Variants in TMEM108 observed in about 807,000 individuals in gnomAD.
TMEM108 encodes the protein cancer/testis antigen 124.
A neutral mutation model predicts 35.1 loss-of-function variants in TMEM108; 12 were observed. The observed-to-expected ratio is 0.34, with a 90% CI of 0.22 to 0.55. The LOEUF is 0.55. TMEM108 is among the 20% of genes least tolerant of loss of function. The pLI is 0.89. For missense variants in TMEM108, 680 were observed against 753.3 expected, an observed-to-expected ratio of 0.90 and a Z score of 1.14; for synonymous variants, 287 against 308.6, an observed-to-expected ratio of 0.93 and a Z score of 0.73.
At chr3:133,305,117 G>A (rs1211970115) in intron 3 of TMEM108, among the ~76,000 whole-genome samples, 1 of 151,792 alleles carries the variant, frequency 6.6e-6, no homozygotes, top group Non-Finnish European at 1.5e-5. Flanking sequence ...AAAGAAAGAT[G>A]CCTATGAGCC....
chr3:133,120,760 A>G (rs1944343092), intron 2 of TMEM108: 1 of 152,214 alleles, frequency 6.6e-6, no homozygotes, highest in South Asian at 2.1e-4. Flanking sequence ...AAGAGCTAAC[A>G]TATGCTCTTA....
intron 2 of TMEM108, among the ~76,000 whole-genome samples, chr3:133,070,769 G>GTGTGTGTGTGTA (rs1235432463): frequency 6.6e-6 from 1 of 151,530 alleles, no homozygotes; most frequent in Non-Finnish European, 1.5e-5. Flanking sequence ...GTGTGTGTGT[G>GTGTGTGTGTGTA]TGTATCTGTG....
At chr3:133,188,020 A>T (rs1347276509) in intron 2 of TMEM108, among the ~76,000 whole-genome samples, 1 of 152,100 alleles carries the variant, frequency 6.6e-6, no homozygotes, top group Non-Finnish European at 1.5e-5. Flanking sequence ...CCTTGCTAAG[A>T]TGAGAACCAT....
rs150764861 is a variant in TMEM108, at chr3:133,168,810, A to G, written c.-46-60456A>G. ...TCTTTGGGTTTACTTTGCCTTTATG[A>G]GCTGTAAGACTCACCGTGAAGGTTT... On this transcript the variant is annotated intron_variant, in intron 2 of 5. Transcript: ENST00000321871. 6.2e-3 allele frequency among the ~76,000 whole-genome samples: 948 copies of G among 152,220 alleles called. 15 individuals are homozygous for G. Among genetic ancestry groups the G allele is most frequent in the African/African-American group, 0.021 (867 of 41,530 alleles).
chr3:133,060,845 C>T (rs141792461), intron 2 of TMEM108, among the ~76,000 whole-genome samples: 2 of 151,482 alleles, frequency 1.3e-5, no homozygotes, highest in African/African-American at 2.4e-5. Context: ...TGTGTTTGTA[C>T]GAAAAAAAAC....
At chr3:133,273,460 T>C (rs1946799831) in intron 3 of TMEM108, among the ~76,000 whole-genome samples, 1 of 152,132 alleles carries the variant, frequency 6.6e-6, no homozygotes, top group Non-Finnish European at 1.5e-5. Context: ...CACGTCTACC[T>C]CCCACACCTT....
chr3:133,057,440 T>C (rs1235749795), intron 2 of TMEM108, among the ~76,000 whole-genome samples: 3 of 3,728 alleles, frequency 8.0e-4, no homozygotes, highest in African/African-American at 1.3e-3. Flanking sequence ...TGTGTGTATA[T>C]ATATATATAT....
intron 3 of TMEM108, among the ~76,000 whole-genome samples, chr3:133,289,351 C>T (rs188094408): frequency 3.9e-5 from 6 of 152,318 alleles, no homozygotes; most frequent in Admixed American, 1.3e-4. Flanking sequence ...AATCTGCATT[C>T]AGCCACTGTA....
chr3:133,142,471 A>C (rs1944654309), intron 2 of TMEM108, among the ~76,000 whole-genome samples: 1 of 152,168 alleles, frequency 6.6e-6, no homozygotes, highest in Non-Finnish European at 1.5e-5. Context: ...AAGGTCCGTG[A>C]GAACATTACC....
In TMEM108 at chr3:133,243,012, A is replaced by G. The variant is rs143168522; in HGVS notation, c.40+13661A>G. 2.0e-3 allele frequency among the ~76,000 whole-genome samples: 308 copies of G among 152,348 alleles called. 2 individuals carry two copies. The highest frequency in any genetic ancestry group is 6.7e-3 in the African/African-American group (280 of 41,584). ...CCAAAAGGCAGAGAAACAAGGGTCC[A>G]AGAATCACCCAGGGAAGCAATATTG... is the stretch of plus-strand genomic sequence containing the variant. On this transcript the variant is annotated intron_variant, in intron 3 of 5. Coordinates refer to ENST00000321871, the MANE Select transcript of TMEM108 (RefSeq NM_023943.4).
At chr3:133,192,981 G>A (rs1945523137) in intron 2 of TMEM108, among the ~76,000 whole-genome samples, 2 of 152,066 alleles carry the variant, frequency 1.3e-5, no homozygotes, top group African/African-American at 4.8e-5. Context: ...CAGCAGAAAG[G>A]TAGAAAAATC....
chr3:133,196,264 C>T (rs1945575192), intron 2 of TMEM108, among the ~76,000 whole-genome samples: 1 of 152,124 alleles, frequency 6.6e-6, no homozygotes, highest in Non-Finnish European at 1.5e-5. Context: ...ATATGTGCTG[C>T]TTTTTTGAGT....
intron 2 of TMEM108, among the ~76,000 whole-genome samples, chr3:133,171,173 A>G (rs1444919182): frequency 2.0e-5 from 3 of 152,172 alleles, no homozygotes; most frequent in African/African-American, 7.2e-5. Context: ...TCGACATTAT[A>G]GTTTGTCTAC....
chr3:133,258,543 G>A (rs1432915939), intron 3 of TMEM108, among the ~76,000 whole-genome samples: 2 of 152,168 alleles, frequency 1.3e-5, no homozygotes, highest in African/African-American at 4.8e-5. Context: ...CCTTATCTCT[G>A]AGGCAGCTGC....
At chr3:133,224,052 C>CT (rs763767252) in intron 2 of TMEM108, among the ~76,000 whole-genome samples, 2 of 152,272 alleles carry the variant, frequency 1.3e-5, no homozygotes, top group South Asian at 2.1e-4. Context: ...TTTCAAAAAT[C>CT]TTTAAGAATT....
intron 3 of TMEM108, among the ~76,000 whole-genome samples, chr3:133,338,633 A>G (rs529594600): frequency 6.6e-6 from 1 of 152,136 alleles, no homozygotes; most frequent in South Asian, 2.1e-4. Flanking sequence ...CACTAGTATT[A>G]GTAAGTACAC....
intron 3 of TMEM108, among the ~76,000 whole-genome samples, chr3:133,290,280 C>G (rs1420056209): frequency 6.6e-6 from 1 of 152,166 alleles, no homozygotes; most frequent in Non-Finnish European, 1.5e-5. Flanking sequence ...CTATCTCTCT[C>G]TTTTTTGTTT....
chr3:133,177,997 C>A (rs1945264382), intron 2 of TMEM108, among the ~76,000 whole-genome samples: 4 of 152,294 alleles, frequency 2.6e-5, no homozygotes, highest in South Asian at 4.2e-4. Flanking sequence ...GCAAAAATCA[C>A]AAGCATTCTT....
chr3:133,384,536 A>G (rs1008824380), intron 4 of TMEM108, among the ~76,000 whole-genome samples: 1 of 152,124 alleles, frequency 6.6e-6, no homozygotes, highest in Non-Finnish European at 1.5e-5. Context: ...CCTGCCAGAC[A>G]CTCTAAGCCA....
Sources: gnomAD v4.1 joint callset for allele counts (sites outside exome capture counted in the v4.1 genomes callset) on GRCh38, gnomAD v4.1.1 for gene constraint, MANE v1.5 for transcripts, NCBI Gene and HGNC (gene_info 2026-07-23, HGNC 2026-07-21) for gene names.